The following CYP7B1 variants were observed in gnomAD, a reference collection of about 807,000 sequenced individuals.
CYP7B1 encodes the protein cytochrome P450 family 7 subfamily B member 1.
A neutral mutation model predicts 42.7 loss-of-function variants in CYP7B1; 29 were observed. The ratio of observed to expected loss-of-function variants is 0.68; its 90% CI spans 0.51 to 0.93. The LOEUF is 0.93. Among genes scored for constraint, CYP7B1 ranks in the 40% least tolerant of loss-of-function variants. The pLI is 0.00. For synonymous variants in CYP7B1, 235 were observed against 218.2 expected (o/e 1.08, Z -0.68); for missense variants, 655 against 600.5 (o/e 1.09, Z -0.95).
At chr8:64,787,794 A>T (rs1170643463) in intron 1 of CYP7B1, among the ~76,000 whole-genome samples, 1 of 152,172 alleles carries the variant, frequency 6.6e-6, no homozygotes, top group Non-Finnish European at 1.5e-5. Context: ...AAGACTGGCT[A>T]ATTTATTTAA....
At chr8:64,795,673 C>A (rs1804693354) in intron 1 of CYP7B1, among the ~76,000 whole-genome samples, 1 of 152,192 alleles carries the variant, frequency 6.6e-6, no homozygotes. Context: ...CCATCTCTCT[C>A]ACACATCATG....
chr8:64,604,423 A>G (rs1805245317), intron 5 of CYP7B1, among the ~76,000 whole-genome samples: 2 of 152,232 alleles, frequency 1.3e-5, no homozygotes, highest in South Asian at 4.1e-4. Context: ...GCCAAGGCGC[A>G]ATGTCCACTT....
chr8:64,661,938 C>T (rs1292811969), intron 1 of CYP7B1, among the ~76,000 whole-genome samples: 1 of 152,158 alleles, frequency 6.6e-6, no homozygotes, highest in Admixed American at 6.5e-5. Flanking sequence ...TTGTCTTTCA[C>T]ATTCAATGAA....
intron 5 of CYP7B1, among the ~76,000 whole-genome samples, chr8:64,597,852 C>T (rs1805141456): frequency 6.6e-6 from 1 of 151,912 alleles, no homozygotes; most frequent in Non-Finnish European, 1.5e-5. Context: ...AGTTGGTGCT[C>T]ATTAACATTA....
chr8:64,661,898 C>A (rs1484897379), intron 1 of CYP7B1, among the ~76,000 whole-genome samples: 1 of 152,128 alleles, frequency 6.6e-6, no homozygotes. Context: ...GAGGAAAAGG[C>A]AAACTGTGGA....
chr8:64,722,749 G>C (rs1015923914), intron 1 of CYP7B1, among the ~76,000 whole-genome samples: 4 of 103,992 alleles, frequency 3.8e-5, no homozygotes, highest in Non-Finnish European at 3.8e-5. Flanking sequence ...GCGGCGGGGG[G>C]GGGGGGGCGG....
At chr8:64,780,629 C>T (rs1019871378) in intron 1 of CYP7B1, among the ~76,000 whole-genome samples, 13 of 152,154 alleles carry the variant, frequency 8.5e-5, no homozygotes, top group African/African-American at 3.1e-4. Context: ...ATGTCACCTT[C>T]TCTTATTCAA....
rs1461110420 is a variant in CYP7B1, at chr8:64,595,602, C to G, written c.*1040G>C. ...GGATTTGAGACCAGCCTGGGCAACACAGCCAGATACTCTCTCAATTGAAAA... is the reference window on the plus strand; with the variant it reads ...GGATTTGAGACCAGCCTGGGCAACAGAGCCAGATACTCTCTCAATTGAAAA... On this transcript the variant is annotated 3_prime_UTR_variant, in exon 6 of 6. Coordinates refer to ENST00000310193, the MANE Select transcript of CYP7B1 (RefSeq NM_004820.5). Among the ~76,000 whole-genome samples the G allele has an allele frequency of 1.3e-5, 2 of 152,106 alleles. No homozygotes were observed. Among genetic ancestry groups the G allele is most frequent in the African/African-American group, 2.4e-5 (1 of 41,414 alleles).
chr8:64,592,721 C>T lies in CYP7B1; in HGVS notation c.*3921G>A, dbSNP rs760744632. Among the ~76,000 whole-genome samples, 1 of 152,156 alleles carries T rather than the reference C, an allele frequency of 6.6e-6. No homozygotes were observed. Among genetic ancestry groups the T allele is most frequent in the Non-Finnish European group, 1.5e-5 (1 of 68,034 alleles). On this transcript the variant is annotated 3_prime_UTR_variant, in exon 6 of 6. Coordinates refer to ENST00000310193, the MANE Select transcript of CYP7B1 (RefSeq NM_004820.5). ...TTGCATTATACCATAAATCCATACA[C>T]GTTACTGTGTTTAATCGTTACAATG...
chr8:64,788,111 A>G (rs994622464), intron 1 of CYP7B1, among the ~76,000 whole-genome samples: 23 of 152,240 alleles, frequency 1.5e-4, no homozygotes, highest in African/African-American at 5.5e-4. Context: ...CCAAACCATC[A>G]TTAGACATTT....
At chr8:64,716,794 G>C (rs529070299) in intron 1 of CYP7B1, among the ~76,000 whole-genome samples, 2 of 152,258 alleles carry the variant, frequency 1.3e-5, no homozygotes, top group East Asian at 3.9e-4. Context: ...TATGGCTCAG[G>C]TGTTGGTTGC....
chr8:64,660,665 T>C (rs1806187399), intron 1 of CYP7B1, among the ~76,000 whole-genome samples: 1 of 152,180 alleles, frequency 6.6e-6, no homozygotes, highest in South Asian at 2.1e-4. Context: ...TAACCTAATA[T>C]TGGAAGTAAA....
chr8:64,798,678 C>G lies in CYP7B1; in HGVS notation c.-91G>C. 7.3e-7 allele frequency: 1 copy of G among 1,369,520 alleles called. No homozygotes were observed. Among genetic ancestry groups the G allele is most frequent in the Non-Finnish European group, 9.5e-7 (1 of 1,056,866 alleles). 84.8% of individuals were successfully genotyped at this position (1,369,520 alleles called of 1,614,324 possible). Reference sequence around the variant, plus strand: ...TGCAGCCTGCGGCGGCTTCTCTCGGCGGCGCCCCCTAGTCCAGGGCCGGAG... The same window carrying G: ...TGCAGCCTGCGGCGGCTTCTCTCGGGGGCGCCCCCTAGTCCAGGGCCGGAG... On this transcript the variant is annotated 5_prime_UTR_variant, in exon 1 of 6. Transcript: ENST00000310193.
At chr8:64,792,013 T>C (rs1307266459) in intron 1 of CYP7B1, among the ~76,000 whole-genome samples, 1 of 151,942 alleles carries the variant, frequency 6.6e-6, no homozygotes, top group East Asian at 1.9e-4. Flanking sequence ...ACAGTAGAAA[T>C]AGGAAATGTT....
At chr8:64,740,690 T>A (rs909809102) in intron 1 of CYP7B1, among the ~76,000 whole-genome samples, 1 of 151,706 alleles carries the variant, frequency 6.6e-6, no homozygotes, top group Admixed American at 6.6e-5. Flanking sequence ...ATCCAATGAA[T>A]GTTAAAAGAT....
At chr8:64,618,955 T>C (rs1438695664) in intron 2 of CYP7B1, among the ~76,000 whole-genome samples, 1 of 152,162 alleles carries the variant, frequency 6.6e-6, no homozygotes, top group Non-Finnish European at 1.5e-5. Context: ...CTACTATCTT[T>C]TTTATTGAGA....
At chr8:64,666,430 A>G (rs1457678742) in intron 1 of CYP7B1, among the ~76,000 whole-genome samples, 3 of 152,252 alleles carry the variant, frequency 2.0e-5, no homozygotes, top group Non-Finnish European at 4.4e-5. Flanking sequence ...AAATAAGGTT[A>G]TGTGAAAGAG....
At chr8:64,733,388 T>C (rs961409398) in intron 1 of CYP7B1, among the ~76,000 whole-genome samples, 4 of 152,076 alleles carry the variant, frequency 2.6e-5, no homozygotes, top group Non-Finnish European at 5.9e-5. Flanking sequence ...CCAATGCAGG[T>C]AAAACAGGAT....
At chr8:64,711,618 C>A (rs1447310760) in intron 1 of CYP7B1, among the ~76,000 whole-genome samples, 1 of 152,190 alleles carries the variant, frequency 6.6e-6, no homozygotes, top group Non-Finnish European at 1.5e-5. Context: ...TCAGGTAGTT[C>A]TTCAGAAAGC....
Sources: allele counts gnomAD v4.1 joint callset (sites outside exome capture counted in the v4.1 genomes callset), GRCh38; gene constraint gnomAD v4.1.1; transcripts MANE v1.5; gene names NCBI Gene and HGNC (gene_info 2026-07-23, HGNC 2026-07-21).